The following GNB4 variants were observed in gnomAD, a reference collection of about 807,000 sequenced individuals.
The protein encoded by GNB4 is G protein subunit beta 4.
A neutral mutation model predicts 45.2 loss-of-function variants in GNB4; 28 were observed. The ratio of observed to expected loss-of-function variants is 0.62; its 90% CI spans 0.46 to 0.85. The LOEUF (loss-of-function observed/expected upper bound fraction) is 0.85. Among genes scored for constraint, GNB4 ranks in the 40% least tolerant of loss-of-function variants. GNB4 has a pLI of 0.00. For synonymous variants in GNB4, 132 were observed against 143.7 expected, an observed-to-expected ratio of 0.92 and a Z score of 0.58; for missense variants, 321 against 425.4, an observed-to-expected ratio of 0.75 and a Z score of 2.16.
intron 1 of GNB4, among the ~76,000 whole-genome samples, chr3:179,435,816 A>G (rs1715432052): frequency 6.6e-6 from 1 of 152,234 alleles, no homozygotes; most frequent in Non-Finnish European, 1.5e-5. Flanking sequence ...ACAAATATCA[A>G]AAGATACTAA....
the GNB4 span, among the ~76,000 whole-genome samples, chr3:179,510,162 G>C: frequency 6.6e-6 from 1 of 151,872 alleles, no homozygotes; most frequent in African/African-American, 2.4e-5. Context: ...GAAAAAAATA[G>C]GAAAACAAAT....
intron 1 of GNB4, among the ~76,000 whole-genome samples, chr3:179,428,016 C>A (rs1298862548): frequency 6.6e-6 from 1 of 152,142 alleles, no homozygotes; most frequent in East Asian, 1.9e-4. Context: ...AAGATTGATT[C>A]CCCTCATGAG....
the GNB4 span, chr3:179,464,400 C>A: frequency 7.9e-7 from 1 of 1,266,310 alleles, no homozygotes; most frequent in Non-Finnish European, 1.1e-6. Context: ...GCAGCCCGTG[C>A]ACAGCTGCTC....
At chr3:179,505,521 C>T in the GNB4 span, among the ~76,000 whole-genome samples, 2 of 152,158 alleles carry the variant, frequency 1.3e-5, no homozygotes, top group African/African-American at 4.8e-5. Context: ...ATTCAGCTGG[C>T]TTATAATGAT....
the GNB4 span, among the ~76,000 whole-genome samples, chr3:179,521,672 C>T: frequency 6.6e-3 from 999 of 152,312 alleles, 4 homozygotes; most frequent in Non-Finnish European, 0.01. Flanking sequence ...CTAACTCCCT[C>T]TTAAAGTAAA....
intron 5 of GNB4, among the ~76,000 whole-genome samples, chr3:179,415,389 CT>C (rs1714768217): frequency 2.0e-5 from 3 of 152,112 alleles, no homozygotes; most frequent in African/African-American, 7.2e-5. Flanking sequence ...AGAATTTTCA[CT>C]TTTGTAATAG....
chr3:179,417,255 C>T (rs1236534063), intron 4 of GNB4, among the ~76,000 whole-genome samples: 16 of 152,098 alleles, frequency 1.1e-4, no homozygotes, highest in Admixed American at 1.0e-3. Flanking sequence ...AGTGTTGTTT[C>T]AGGAATTGTG....
In GNB4 at chr3:179,444,235, C is replaced by T. The variant is rs549212876; in HGVS notation, c.-43+7111G>A. Reference sequence around the variant, plus strand: ...GTCTGTGGTTTTTTCATTTTTTTCCCCCCAAAGAGTTTCCCTGGTGATATA... The same window carrying T: ...GTCTGTGGTTTTTTCATTTTTTTCCTCCCAAAGAGTTTCCCTGGTGATATA... On this transcript the variant is annotated intron_variant, in intron 1 of 9. Coordinates refer to ENST00000232564, the MANE Select transcript of GNB4 (RefSeq NM_021629.4). Among the ~76,000 whole-genome samples the T allele has an allele frequency of 2.7e-4, 41 of 152,080 alleles. 1 individual carries two copies. The South Asian group carries it at 8.3e-3, about 31-fold the overall frequency.
chr3:179,426,257 A>AGAGC lies in GNB4; in HGVS notation c.-42-19_-42-16dup. 7.7e-7 allele frequency: 1 copy of AGAGC among 1,295,320 alleles called. No individual in the cohort carries two copies. The highest frequency in any genetic ancestry group is 1.1e-6 in the Non-Finnish European group (1 of 922,428). The allele number at this position is 1,295,320 out of a possible 1,614,324, so 80.2% of individuals were successfully genotyped here. A position where few individuals can be genotyped will look rare whatever the true frequency, so the allele number is the denominator to read the frequency against. On this transcript the variant is annotated splice_polypyrimidine_tract_variant and intron_variant, in intron 1 of 9. Transcript: ENST00000232564. ...AGTGAAAACAGCTGTTAAAAAACAG[A>AGAGC]GAGCAAGAGAAAGATTCAGTTCTCT...
chr3:179,527,213 C>T, the GNB4 span, among the ~76,000 whole-genome samples: 1 of 152,136 alleles, frequency 6.6e-6, no homozygotes, highest in Non-Finnish European at 1.5e-5. Context: ...CTTAGTTGTT[C>T]TCAGCCTGGA....
the GNB4 span, chr3:179,465,252 G>A: frequency 8.8e-6 from 13 of 1,483,992 alleles, no homozygotes; most frequent in Admixed American, 2.0e-4. Context: ...CAAAAAGCCG[G>A]TTATATCACT....
the GNB4 span, among the ~76,000 whole-genome samples, chr3:179,488,950 C>T: frequency 7.9e-6 from 1 of 126,616 alleles, no homozygotes; most frequent in African/African-American, 3.1e-5. Context: ...CATCACTGCA[C>T]TCCAGCCTGG....
At chr3:179,418,142 T>C (rs1219325377) in intron 4 of GNB4, among the ~76,000 whole-genome samples, 1 of 152,102 alleles carries the variant, frequency 6.6e-6, no homozygotes, top group Non-Finnish European at 1.5e-5. Context: ...AACAGGTAAA[T>C]TATTTTTATC....
At chr3:179,520,556 A>G in the GNB4 span, among the ~76,000 whole-genome samples, 5 of 152,012 alleles carry the variant, frequency 3.3e-5, no homozygotes, top group Admixed American at 2.0e-4. Context: ...ATCACAAACT[A>G]TGCTCAACTC....
At chr3:179,498,100 G>A in the GNB4 span, among the ~76,000 whole-genome samples, 68 of 152,282 alleles carry the variant, frequency 4.5e-4, no homozygotes, top group Middle Eastern at 3.4e-3. Flanking sequence ...ACCCATGTTC[G>A]TTGCAGCTTT....
the GNB4 span, among the ~76,000 whole-genome samples, chr3:179,466,661 A>C: frequency 6.6e-6 from 1 of 152,182 alleles, no homozygotes; most frequent in Non-Finnish European, 1.5e-5. Context: ...GGTGACCAAA[A>C]TTTTATTGAA....
the GNB4 span, among the ~76,000 whole-genome samples, chr3:179,495,633 G>C: frequency 6.6e-6 from 1 of 150,524 alleles, no homozygotes; most frequent in Admixed American, 6.6e-5. Flanking sequence ...AAAGGAGGCA[G>C]GGAGGCAGGG....
the GNB4 span, among the ~76,000 whole-genome samples, chr3:179,478,170 A>C: frequency 6.6e-6 from 1 of 152,138 alleles, no homozygotes; most frequent in African/African-American, 2.4e-5. Context: ...ATCCACTTTC[A>C]TGATAACAAA....
intron 8 of GNB4, among the ~76,000 whole-genome samples, chr3:179,408,807 AAAGAAACTC>A (rs1714555196): frequency 6.9e-6 from 1 of 144,408 alleles, no homozygotes; most frequent in African/African-American, 2.5e-5. Flanking sequence ...AAAGAAAAAG[AAAGAAACTC>A]AAAAAAAAAA....
Sources: gnomAD v4.1 joint callset for allele counts (sites outside exome capture counted in the v4.1 genomes callset) on GRCh38, gnomAD v4.1.1 for gene constraint, MANE v1.5 for transcripts, NCBI Gene and HGNC (gene_info 2026-07-23, HGNC 2026-07-21) for gene names.